The following CDH23 variants were observed in gnomAD, a reference collection of about 807,000 sequenced individuals.
CDH23 encodes cadherin-23.
In CDH23, 189 loss-of-function variants were observed where a neutral mutation model predicts 317.1. The observed-to-expected ratio is 0.60, with a 90% CI of 0.53 to 0.67. CDH23 has a LOEUF of 0.67. Among genes scored for constraint, CDH23 ranks in the 30% least tolerant of loss-of-function variants. The probability of loss-of-function intolerance (pLI) is 0.00; values close to 1 mark genes in which losing one functional copy is unlikely to be tolerated. For missense variants in CDH23, 4,401 were observed against 4,592.4 expected (o/e 0.96, Z 1.20); for synonymous variants, 1,839 against 1,876.8 (o/e 0.98, Z 0.52).
intron 14 of CDH23, among the ~76,000 whole-genome samples, chr10:71,658,474 G>A (rs1354947112): frequency 1.3e-5 from 2 of 152,222 alleles, no homozygotes; most frequent in African/African-American, 2.4e-5. Flanking sequence ...CTCACTGCCT[G>A]TCCCGCCTTT....
chr10:71,536,104 G>A (rs1341675824), intron 6 of CDH23, among the ~76,000 whole-genome samples: 9 of 152,270 alleles, frequency 5.9e-5, no homozygotes, highest in South Asian at 2.1e-4. Context: ...GGAAGCCTGC[G>A]CTTGCATCGT....
intron 18 of CDH23, among the ~76,000 whole-genome samples, chr10:71,685,980 G>T (rs1455934206): frequency 1.3e-5 from 2 of 152,182 alleles, no homozygotes; most frequent in Non-Finnish European, 2.9e-5. Flanking sequence ...CAGGTTGGGG[G>T]TGGGGAGAGG....
At chr10:71,502,711 A>AT (rs1853406624) in intron 3 of CDH23, among the ~76,000 whole-genome samples, 2 of 152,290 alleles carry the variant, frequency 1.3e-5, no homozygotes, top group Non-Finnish European at 2.9e-5. Context: ...ATGGTAAGGA[A>AT]TTCGTTTTCA....
chr10:71,470,026 A>G (rs563473139), intron 3 of CDH23, among the ~76,000 whole-genome samples: 1 of 152,142 alleles, frequency 6.6e-6, no homozygotes, highest in South Asian at 2.1e-4. Context: ...ATAAAAAAAA[A>G]TTTGTGCTAT....
At chr10:71,685,645 C>T (rs984970488) in intron 18 of CDH23, among the ~76,000 whole-genome samples, 10 of 152,214 alleles carry the variant, frequency 6.6e-5, no homozygotes, top group Non-Finnish European at 4.4e-5. Context: ...TCAAAGCCAT[C>T]CCAGGGACAA....
chr10:71,722,625 G>A (rs1866610624), intron 28 of CDH23, among the ~76,000 whole-genome samples: 1 of 152,222 alleles, frequency 6.6e-6, no homozygotes, highest in South Asian at 2.1e-4. Flanking sequence ...TGTATCAGAG[G>A]GTGACCAGGG....
chr10:71,527,124 A>G (rs1286106036), intron 6 of CDH23, among the ~76,000 whole-genome samples: 2 of 152,190 alleles, frequency 1.3e-5, no homozygotes, highest in Non-Finnish European at 2.9e-5. Flanking sequence ...AGGTCAGCGT[A>G]GGACAGAGTG....
At chr10:71,663,315 C>T (rs1863755464) in intron 14 of CDH23, among the ~76,000 whole-genome samples, 1 of 152,188 alleles carries the variant, frequency 6.6e-6, no homozygotes, top group African/African-American at 2.4e-5. Context: ...CTCTCCGTGC[C>T]CCGACCCGTC....
rs1004634637 is a variant in CDH23, at chr10:71,730,684, G to A, written c.3715+80G>A. ...GCTCACCCAGCCCCTCCTTCGAAAC[G>A]GTCATCCCTGATGCTTCAGGCTCCC... On this transcript the variant is annotated intron_variant, in intron 31 of 69. Transcript: ENST00000224721. 32 of 1,569,896 alleles carry A rather than the reference G, an allele frequency of 2.0e-5. No individual in the cohort carries two copies. The East Asian group carries it at 3.5e-4, about 17-fold the overall frequency.
chr10:71,706,791 T>C (rs1393961696), intron 25 of CDH23, 106 bp from the exon 26 acceptor site: 1 of 1,486,974 alleles, frequency 6.7e-7, no homozygotes, highest in East Asian at 2.5e-5. Flanking sequence ...CGTGACTCCC[T>C]TGGGAATTCA....
rs576337505 is a variant in CDH23 at position 71,792,567 on chromosome 10, G to C, written c.6254-615G>C. Among the ~76,000 whole-genome samples, 281 of 152,076 alleles carry C rather than the reference G, an allele frequency of 1.8e-3. 1 individual carries two copies. Among genetic ancestry groups the C allele is most frequent in the African/African-American group, 6.2e-3 (258 of 41,536 alleles). ...GGTCCAGGCGAGGTGGCTCACGCCT[G>C]TAATCCCAGCAATTTGGGAGGCTGA... On this transcript the variant is annotated intron_variant, in intron 47 of 69. Coordinates refer to ENST00000224721, the MANE Select transcript of CDH23 (RefSeq NM_022124.6).
chr10:71,671,339 T>A (rs961415491), intron 14 of CDH23, among the ~76,000 whole-genome samples: 4 of 152,174 alleles, frequency 2.6e-5, no homozygotes, highest in Admixed American at 2.6e-4. Context: ...CCTGTCACCA[T>A]CTGGCTGGCC....
chr10:71,707,808 A>G (rs1865845133), intron 26 of CDH23, among the ~76,000 whole-genome samples: 1 of 152,056 alleles, frequency 6.6e-6, no homozygotes, highest in African/African-American at 2.4e-5. Flanking sequence ...ACCAACACAC[A>G]TGTTGCCTCT....
intron 11 of CDH23, among the ~76,000 whole-genome samples, chr10:71,638,509 G>C (rs1023214344): frequency 2.6e-5 from 4 of 152,218 alleles, no homozygotes; most frequent in Admixed American, 2.6e-4. Context: ...GAATGCGCCA[G>C]TGCTGAGAGC....
At chr10:71,421,704 G>T (rs1278790869) in intron 1 of CDH23, among the ~76,000 whole-genome samples, 1 of 152,088 alleles carries the variant, frequency 6.6e-6, no homozygotes, top group East Asian at 1.9e-4. Context: ...TTCTTAAATT[G>T]AGTATTTTAA....
chr10:71,682,593 G>A, intron 18 of CDH23, 21 bp downstream of exon 18: 3 of 1,610,470 alleles, frequency 1.9e-6, no homozygotes, highest in Non-Finnish European at 2.5e-6. Flanking sequence ...AGGGCCACTG[G>A]CCTTGCCCTG....
intron 6 of CDH23, among the ~76,000 whole-genome samples, chr10:71,548,188 C>T (rs1339267377): frequency 2.6e-5 from 4 of 152,190 alleles, no homozygotes; most frequent in East Asian, 1.9e-4. Flanking sequence ...CCACAGCCTG[C>T]GGGGGCCTGC....
chr10:71,803,815 C>CAAAAAAAAAAAA, intron 55 of CDH23, among the ~76,000 whole-genome samples: 1 of 71,108 alleles, frequency 1.4e-5, no homozygotes, highest in South Asian at 5.9e-4. Flanking sequence ...ACTAAAAATG[C>CAAAAAAAAAAAA]AAAAAAAAAA....
intron 20 of CDH23, among the ~76,000 whole-genome samples, chr10:71,692,978 GAT>G (rs1865242085): frequency 6.6e-6 from 1 of 152,202 alleles, no homozygotes; most frequent in Non-Finnish European, 1.5e-5. Context: ...CCATTTTATA[GAT>G]GAGAAAACTG....
Sources: gnomAD v4.1 joint callset for allele counts (sites outside exome capture counted in the v4.1 genomes callset) on GRCh38, gnomAD v4.1.1 for gene constraint, MANE v1.5 for transcripts, NCBI Gene and HGNC (gene_info 2026-07-23, HGNC 2026-07-21) for gene names.